Variants in HECW1 observed in about 807,000 individuals in gnomAD.
HECW1 encodes the protein E3 ubiquitin-protein ligase HECW1.
A neutral mutation model predicts 182.3 loss-of-function variants in HECW1; 61 were observed. That is an observed-to-expected ratio of 0.33 (90% CI 0.27 to 0.41). The LOEUF (loss-of-function observed/expected upper bound fraction) is 0.41, where lower values mean the gene tolerates loss of function less well. Among genes scored for constraint, HECW1 ranks in the 10% least tolerant of loss-of-function variants. The pLI is 1.00. For missense variants in HECW1, 1,739 were observed against 2,108.9 expected (o/e 0.82, Z 3.44); for synonymous variants, 859 against 832.6 (o/e 1.03, Z -0.55).
At chr7:43,416,677 C>T (rs1369239764) in intron 8 of HECW1, among the ~76,000 whole-genome samples, 3 of 146,474 alleles carry the variant, frequency 2.0e-5, no homozygotes, top group African/African-American at 7.5e-5. Flanking sequence ...TAGCAATCAG[C>T]GAGATTCCGT....
chr7:43,296,520 G>C (rs60274523), intron 3 of HECW1, among the ~76,000 whole-genome samples: 1 of 152,166 alleles, frequency 6.6e-6, no homozygotes, highest in Non-Finnish European at 1.5e-5. Flanking sequence ...CGCAGCTGTG[G>C]ACGCAGCTGC....
At chr7:43,553,530 G>A (rs986046426) in intron 28 of HECW1, among the ~76,000 whole-genome samples, 2 of 151,994 alleles carry the variant, frequency 1.3e-5, no homozygotes, top group Non-Finnish European at 2.9e-5. Context: ...TTAGCCAGGT[G>A]TGGTGGCACA....
chr7:43,308,158 AT>A (rs1440032732), intron 3 of HECW1, among the ~76,000 whole-genome samples: 1 of 105,416 alleles, frequency 9.5e-6, no homozygotes, highest in East Asian at 2.3e-4. Flanking sequence ...TATATTATAT[AT>A]TTATATATAA....
At chr7:43,232,264 C>T (rs924849031) in intron 2 of HECW1, among the ~76,000 whole-genome samples, 1 of 152,154 alleles carries the variant, frequency 6.6e-6, no homozygotes, top group Non-Finnish European at 1.5e-5. Context: ...AACCCGTCCT[C>T]CACTGGTGAA....
chr7:43,506,222 T>C (rs1456661186), intron 21 of HECW1, among the ~76,000 whole-genome samples: 1 of 152,210 alleles, frequency 6.6e-6, no homozygotes, highest in Non-Finnish European at 1.5e-5. Context: ...TATTTGAGCA[T>C]CAATATCAAT....
chr7:43,177,693 T>C (rs1017355551), intron 2 of HECW1, among the ~76,000 whole-genome samples: 5 of 152,174 alleles, frequency 3.3e-5, no homozygotes, highest in Admixed American at 6.5e-5. Flanking sequence ...TAGCACCTAC[T>C]TCAACCCGTT....
chr7:43,552,196 A>G, intron 27 of HECW1, 26 bp from the exon 28 acceptor site: 1 of 1,423,766 alleles, frequency 7.0e-7, no homozygotes, highest in Non-Finnish European at 1.0e-6. Context: ...TTGGACCTGG[A>G]TGCTGAAGCC....
At chr7:43,269,695 C>G (rs1196093170) in intron 3 of HECW1, among the ~76,000 whole-genome samples, 1 of 152,156 alleles carries the variant, frequency 6.6e-6, no homozygotes, top group Admixed American at 6.5e-5. Context: ...ATTCCTAGAG[C>G]CTTTTTAACT....
In HECW1 at chr7:43,270,675, T is replaced by G. The variant is rs1802299342; in HGVS notation, c.27+26743T>G. 2.6e-5 allele frequency among the ~76,000 whole-genome samples: 4 copies of G among 152,124 alleles called. No homozygotes were observed. The South Asian group carries it at 8.4e-4, about 32-fold the overall frequency. On this transcript the variant is annotated intron_variant, in intron 3 of 29. Coordinates refer to ENST00000395891, the MANE Select transcript of HECW1 (RefSeq NM_015052.5). The stretch of plus-strand genomic sequence containing the variant: ...AAAACTCTACCAAAACAAACCAAGG[T>G]ATTAGAAAAAATCAATATAGCATTT...
intron 3 of HECW1, among the ~76,000 whole-genome samples, chr7:43,303,894 G>A (rs1307707072): frequency 6.6e-6 from 1 of 152,076 alleles, no homozygotes. Context: ...GGTACAAATG[G>A]GTAAGCAGGA....
At chr7:43,113,027 C>T (rs1583545741) in intron 1 of HECW1, 90 bp downstream of exon 1, 1 of 188,256 alleles carries the variant, frequency 5.3e-6, no homozygotes, top group East Asian at 8.3e-5. Flanking sequence ...GAGGCCCCGG[C>T]AGCGCCCTCC....
intron 7 of HECW1, among the ~76,000 whole-genome samples, chr7:43,402,314 C>G (rs553216191): frequency 2.6e-5 from 4 of 152,170 alleles, no homozygotes; most frequent in African/African-American, 9.7e-5. Context: ...TAGATGCTAC[C>G]GCGGGGCCGG....
intron 2 of HECW1, among the ~76,000 whole-genome samples, chr7:43,144,796 A>G (rs1156300405): frequency 1.3e-5 from 2 of 152,114 alleles, no homozygotes; most frequent in African/African-American, 2.4e-5. Context: ...AAGGTGCCCT[A>G]TTTTCTTTTA....
At chr7:43,148,916 C>T (rs1161603129) in intron 2 of HECW1, 1 of 151,908 alleles carries the variant, frequency 6.6e-6, no homozygotes, top group Non-Finnish European at 1.5e-5. Context: ...TCTCAGAAGA[C>T]TCCAATGTCT....
intron 2 of HECW1, among the ~76,000 whole-genome samples, chr7:43,172,634 A>G (rs1791806974): frequency 6.6e-6 from 1 of 152,184 alleles, no homozygotes; most frequent in Admixed American, 6.5e-5. Context: ...GACATGAGAC[A>G]ATTAGGGTTC....
At chr7:43,511,397 T>G (rs1341125751) in intron 24 of HECW1, 1 of 152,268 alleles carries the variant, frequency 6.6e-6, no homozygotes, top group African/African-American at 2.4e-5. Context: ...AGGGAACCCT[T>G]ATGATTTAAA....
rs116876905 is a variant in HECW1 at position 43,116,692 on chromosome 7, G to A, written c.-32+2301G>A. 4.6e-5 allele frequency among the ~76,000 whole-genome samples: 7 copies of A among 152,322 alleles called. No homozygotes were observed. In the East Asian group the frequency reaches 1.3e-3, roughly 29 times the overall value. On this transcript the variant is annotated intron_variant, in intron 2 of 29. Transcript: ENST00000395891. ...AGCTACATTAGGAAACCAGGAAGTT[G>A]CAATACCCACATGTCCTCTCTGTAA...
At chr7:43,306,861 T>C (rs779821351) in intron 3 of HECW1, among the ~76,000 whole-genome samples, 1 of 152,192 alleles carries the variant, frequency 6.6e-6, no homozygotes, top group Non-Finnish European at 1.5e-5. Flanking sequence ...TCTGTTTTTT[T>C]ACAGGTTTTG....
chr7:43,405,521 C>T (rs2075579180), intron 7 of HECW1, among the ~76,000 whole-genome samples: 1 of 152,106 alleles, frequency 6.6e-6, no homozygotes, highest in East Asian at 1.9e-4. Context: ...ACTGTGACAG[C>T]ACGTGGAAAT....
Sources: gnomAD v4.1 joint callset for allele counts (sites outside exome capture counted in the v4.1 genomes callset) on GRCh38, gnomAD v4.1.1 for gene constraint, MANE v1.5 for transcripts, NCBI Gene and HGNC (gene_info 2026-07-23, HGNC 2026-07-21) for gene names.